MYBPC2: variants seen among roughly 807,000 people sequenced by gnomAD.
The protein encoded by MYBPC2 is myosin binding protein C2, also known as myosin-binding protein C, fast-type.
In MYBPC2, 122 loss-of-function variants were observed where a neutral mutation model predicts 137.0. The observed-to-expected ratio is 0.89, with a 90% confidence interval of 0.77 to 1.03. MYBPC2 has a LOEUF of 1.03. MYBPC2 is among the 50% of genes least tolerant of loss of function. MYBPC2 has a pLI of 0.00. For missense variants in MYBPC2, 1,500 were observed against 1,534.4 expected, an observed-to-expected ratio of 0.98 and a Z score of 0.37; for synonymous variants, 626 against 612.3, an observed-to-expected ratio of 1.02 and a Z score of -0.33.
At chr19:50,441,777 T>C (rs2039757654) in intron 8 of MYBPC2, among the ~76,000 whole-genome samples, 1 of 151,196 alleles carries the variant, frequency 6.6e-6, no homozygotes, top group African/African-American at 2.4e-5. Context: ...GAGGCAGAGG[T>C]TGTGGTGAGC....
At chr19:50,440,323 A>AAAATAAATAAAT (rs58778063) in intron 7 of MYBPC2, among the ~76,000 whole-genome samples, 9,261 of 138,976 alleles carry the variant, frequency 0.067, 382 homozygotes, top group Admixed American at 0.085. Context: ...CTGTGGAAAT[A>AAAATAAATAAAT]AAATAAATAA....
rs370199951 is a variant in MYBPC2 at position 50,455,115 on chromosome 19, C to T, written c.2022C>T (p.Leu674=). 3.9e-5 allele frequency: 63 copies of T among 1,611,864 alleles called. No homozygotes were observed. The African/African-American group carries it at 5.5e-4, about 14-fold the overall frequency. ...TCTGCTTGGAGCCTCCAGGGTACCT[C>T]GTAGAGCGGAAGAAGAAGGGCTCTC... The part of the protein sequence containing the change: ...YDGGKPVTGY[L]VERKKKGSQR... Residue 674 remains leucine (L), a synonymous_variant, in exon 19 of 28, where the codon CTC becomes CTT. Transcript: ENST00000357701.
At chr19:50,447,350 T>C (rs2039815289) in intron 12 of MYBPC2, among the ~76,000 whole-genome samples, 1 of 151,920 alleles carries the variant, frequency 6.6e-6, no homozygotes, top group Admixed American at 6.6e-5. Flanking sequence ...TATAATTCTG[T>C]AAATATAAAA....
chr19:50,450,896 G>A lies in MYBPC2; in HGVS notation c.1540G>A (p.Gly514Ser), dbSNP rs8104931. Residue 514 changes from glycine (G) to serine (S), a missense_variant, in exon 14 of 28, where the codon GGC becomes AGC. By Grantham distance (56) the Gly-to-Ser change is moderately conservative. Coordinates refer to ENST00000357701, the MANE Select transcript of MYBPC2 (RefSeq NM_004533.4). ...GGGAGACTACACGTTTGTGCCTGAC[G>A]GCTACGCCCTGTCGCTCTCGGCCAA... is the stretch of plus-strand genomic sequence containing the variant. ...DEGDYTFVPDGYALSLSAKLN... is the reference protein window; with the variant it reads ...DEGDYTFVPDSYALSLSAKLN... The A allele has an allele frequency of 5.3e-3, 8,331 of 1,577,922 alleles. 378 individuals carry two copies. In the African/African-American group the frequency reaches 0.097, roughly 18 times the overall value.
At chr19:50,445,780 C>A in intron 11 of MYBPC2, 100 bp from the exon 12 acceptor site, 1 of 1,215,600 alleles carries the variant, frequency 8.2e-7, no homozygotes, top group Non-Finnish European at 1.1e-6. Flanking sequence ...CGGGGACCTG[C>A]CTTCTGATCC....
At chr19:50,441,478 C>T (rs2039754840) in intron 8 of MYBPC2, among the ~76,000 whole-genome samples, 1 of 152,220 alleles carries the variant, frequency 6.6e-6, no homozygotes, top group Non-Finnish European at 1.5e-5. Context: ...TGAGCCGTTG[C>T]TCTCTGTCTC....
chr19:50,442,945 T>G (rs1466155105), intron 9 of MYBPC2, among the ~76,000 whole-genome samples: 5 of 151,598 alleles, frequency 3.3e-5, no homozygotes, highest in Admixed American at 2.0e-4. Flanking sequence ...ATCTAATTTT[T>G]GGGGTGTATT....
At chr19:50,434,683 T>G (rs2039685732) in intron 1 of MYBPC2, among the ~76,000 whole-genome samples, 1 of 152,210 alleles carries the variant, frequency 6.6e-6, no homozygotes, top group South Asian at 2.1e-4. Flanking sequence ...GACCCCCTCC[T>G]GGGATGTCTG....
intron 13 of MYBPC2, among the ~76,000 whole-genome samples, chr19:50,448,704 C>A (rs1283578279): frequency 6.6e-6 from 1 of 151,670 alleles, no homozygotes; most frequent in Non-Finnish European, 1.5e-5. Context: ...AAGTGATCCA[C>A]CTGCCTCAGC....
chr19:50,466,089 C>T lies in MYBPC2; in HGVS notation c.3416-106C>T, dbSNP rs575839543. The T allele has an allele frequency of 4.0e-6, 6 of 1,501,920 alleles. No homozygotes were observed. Among genetic ancestry groups the T allele is most frequent in the East Asian group, 2.3e-5 (1 of 42,946 alleles). The allele number at this position is 1,501,920 out of a possible 1,614,324, so 93.0% of individuals were successfully genotyped here. On this transcript the variant is annotated intron_variant, in intron 27 of 27. Transcript: ENST00000357701. The surrounding 1 kb of genome is among the most constrained non-coding windows in gnomAD (Gnocchi z 4.9). ...GCCTAGGATGGGGCGGGATGGTGAC[C>T]GTCATCCTGTCCCCCTGCTGGTCAT...
intron 12 of MYBPC2, among the ~76,000 whole-genome samples, chr19:50,447,785 G>C (rs2039818960): frequency 6.6e-6 from 1 of 151,950 alleles, no homozygotes; most frequent in Admixed American, 6.6e-5. Context: ...TGTACCCGGG[G>C]GGTGGAGTTT....
At position 50,461,987 on chromosome 19, in the gene MYBPC2, T is replaced by TG. The variant is rs747440527; in HGVS notation, c.3181dup (p.Ala1061GlyfsTer30). 6.3e-6 allele frequency: 10 copies of TG among 1,576,914 alleles called. No individual in the cohort carries two copies. In the African/African-American group the frequency reaches 1.4e-4, roughly 21 times the overall value. Reference sequence around the variant, plus strand: ...ACACCTCTCATAGACCGCGTGGTCGTGGCTGGGTACTCGGCAGCCCTCAAC... The same window carrying TG: ...ACACCTCTCATAGACCGCGTGGTCGTGGGCTGGGTACTCGGCAGCCCTCAAC... On this transcript the variant is annotated frameshift_variant, in exon 26 of 28. Coordinates refer to ENST00000357701, the MANE Select transcript of MYBPC2 (RefSeq NM_004533.4). LOFTEE classifies it high-confidence loss of function.
chr19:50,451,036 G>A (rs147666655), intron 14 of MYBPC2, 101 bp downstream of exon 14: 41 of 1,137,268 alleles, frequency 3.6e-5, no homozygotes, highest in African/African-American at 1.5e-4. Context: ...CCCCGAGTGC[G>A]AATGAGGACG....
Position 50,459,326 on chromosome 19 carries a change from C to G in MYBPC2, c.2791+20C>G. 6.3e-7 allele frequency: 1 copy of G among 1,579,640 alleles called. No individual in the cohort carries two copies. ...TTGTGGGTGCGCGCGCTGGGGAGGGCCCCTGGAGGCCGGGAGGGGCAGGGA... is the reference window on the plus strand; with the variant it reads ...TTGTGGGTGCGCGCGCTGGGGAGGGGCCCTGGAGGCCGGGAGGGGCAGGGA... On this transcript the variant is annotated intron_variant, in intron 23 of 27. Coordinates refer to ENST00000357701, the MANE Select transcript of MYBPC2 (RefSeq NM_004533.4).
chr19:50,443,396 A>C, intron 9 of MYBPC2, 98 bp from the exon 10 acceptor site: 1 of 1,447,006 alleles, frequency 6.9e-7, no homozygotes, highest in Non-Finnish European at 9.3e-7. Context: ...GCTCTGAGAG[A>C]GAGAGAGAGA....
In MYBPC2 at chr19:50,450,921, A is replaced by C; in HGVS notation, c.1565A>C (p.Lys522Thr). ...GGCTACGCCCTGTCGCTCTCGGCCAAGCTCAACTTCCTGGGTGAGGATGCC... is the reference window on the plus strand; with the variant it reads ...GGCTACGCCCTGTCGCTCTCGGCCACGCTCAACTTCCTGGGTGAGGATGCC... The part of the protein sequence containing the change: ...PDGYALSLSA[K>T]LNFLEIKVEY... The change falls in exon 14 of 28, where the codon AAG becomes ACG. Residue 522 changes from lysine to threonine, a missense_variant. By Grantham distance (78) the Lys-to-Thr change is moderately conservative. Transcript: ENST00000357701. The C allele has an allele frequency of 1.3e-6, 2 of 1,568,102 alleles. No individual in the cohort carries two copies. Among genetic ancestry groups the C allele is most frequent in the Non-Finnish European group, 1.7e-6 (2 of 1,156,800 alleles).
At chr19:50,448,521 T>A (rs1387307478) in intron 13 of MYBPC2, 131 bp downstream of exon 13, 1 of 1,241,376 alleles carries the variant, frequency 8.1e-7, no homozygotes, top group East Asian at 2.7e-5. Context: ...CAGGCTAGAG[T>A]GCAATGGCGC....
rs34714441 is a variant in MYBPC2, at chr19:50,448,353, C to T, written c.1435C>T (p.Arg479Trp). Residue 479 changes from arginine (R) to tryptophan (W), a missense_variant, in exon 13 of 28, where the codon CGG (arginine) becomes TGG (tryptophan). Physicochemically the swap from Arg to Trp is moderately radical, Grantham distance 101 (BLOSUM62 -3). Transcript: ENST00000357701. ...GTGGTATAAGAATGGGGTCGAGGTGCGGCCCAGCAAGAGGATCACCATTTC... is the reference window on the plus strand; with the variant it reads ...GTGGTATAAGAATGGGGTCGAGGTGTGGCCCAGCAAGAGGATCACCATTTC... The part of the protein sequence containing the change: ...GKWYKNGVEV[R>W]PSKRITISHV... The T allele has an allele frequency of 1.5e-4, 239 of 1,613,716 alleles. No homozygotes were observed. The African/African-American group carries it at 1.6e-3, about 11-fold the overall frequency.
chr19:50,441,859 A>AAAT (rs773963352), intron 8 of MYBPC2, among the ~76,000 whole-genome samples: 2 of 150,658 alleles, frequency 1.3e-5, no homozygotes, highest in African/African-American at 4.9e-5. Context: ...AAATAAAATA[A>AAAT]AAAATAAAAT....
Sources: gnomAD v4.1 joint callset for allele counts (sites outside exome capture counted in the v4.1 genomes callset) on GRCh38, gnomAD v4.1.1 for gene constraint, Gnocchi (gnomAD v3.1) non-coding constraint, MANE v1.5 for transcripts, NCBI Gene and HGNC (gene_info 2026-07-23, HGNC 2026-07-21) for gene names.